Variants in MIR2052HG observed in about 807,000 individuals in gnomAD.
MIR2052HG encodes MIR2052 host gene.
intron 4 of MIR2052HG, among the ~76,000 whole-genome samples, chr8:74,704,549 T>C (rs1463539353): frequency 1.3e-5 from 2 of 152,038 alleles, no homozygotes; most frequent in African/African-American, 4.8e-5. Context: ...CCCTTTTTCT[T>C]TTTACTAAAT....
At chr8:74,735,728 G>C (rs1809738764) in intron 4 of MIR2052HG, among the ~76,000 whole-genome samples, 1 of 152,156 alleles carries the variant, frequency 6.6e-6, no homozygotes, top group African/African-American at 2.4e-5. Flanking sequence ...AAAGTTCCGG[G>C]TGATCCTTTC....
At chr8:74,686,420 T>C (rs1409648211) in intron 2 of MIR2052HG, among the ~76,000 whole-genome samples, 1 of 152,022 alleles carries the variant, frequency 6.6e-6, no homozygotes, top group Non-Finnish European at 1.5e-5. Context: ...AGAGCTTGAT[T>C]TGTAGAACCT....
intron 2 of MIR2052HG, among the ~76,000 whole-genome samples, chr8:74,688,756 A>G (rs1809209247): frequency 6.6e-6 from 1 of 152,108 alleles, no homozygotes; most frequent in Non-Finnish European, 1.5e-5. Context: ...TGGTGCACCC[A>G]TTACCTGGGC....
At chr8:74,680,057 G>T (rs1000270824) in intron 2 of MIR2052HG, among the ~76,000 whole-genome samples, 1 of 152,132 alleles carries the variant, frequency 6.6e-6, no homozygotes, top group Non-Finnish European at 1.5e-5. Flanking sequence ...AAACCCAAAT[G>T]AATCTGCAGA....
chr8:74,660,748 G>T (rs1044666767), intron 2 of MIR2052HG, among the ~76,000 whole-genome samples: 10 of 152,108 alleles, frequency 6.6e-5, no homozygotes, highest in Non-Finnish European at 1.3e-4. Context: ...TGCCTTTGGA[G>T]ATAGTTTATT....
chr8:74,606,647 C>T lies in MIR2052HG; in HGVS notation n.129-6206C>T, dbSNP rs868536505. On this transcript the variant is annotated intron_variant and non_coding_transcript_variant, in intron 1 of 6. Coordinates refer to ENST00000523442, the Ensembl canonical transcript of MIR2052HG. The stretch of plus-strand genomic sequence containing the variant: ...GCTAAATGATGAGAACACATAGACA[C>T]GTACAGGGGAATGATAGACACTGGG... Among the ~76,000 whole-genome samples, 4 of 151,962 alleles carry T rather than the reference C, an allele frequency of 2.6e-5. No homozygotes were observed. The South Asian group carries it at 6.2e-4, about 24-fold the overall frequency.
intron 2 of MIR2052HG, among the ~76,000 whole-genome samples, chr8:74,671,585 CA>C (rs2128738083): frequency 6.6e-6 from 1 of 152,180 alleles, no homozygotes; most frequent in East Asian, 1.9e-4. Context: ...ATGTTATTAA[CA>C]TTCAACTAGT....
chr8:74,733,951 A>C (rs1457523823), intron 4 of MIR2052HG, among the ~76,000 whole-genome samples: 1 of 152,246 alleles, frequency 6.6e-6, no homozygotes, highest in Admixed American at 6.5e-5. Context: ...AAAACACCAA[A>C]AGCAATGGCA....
intron 5 of MIR2052HG, among the ~76,000 whole-genome samples, chr8:74,753,539 G>C (rs1324736986): frequency 6.6e-6 from 1 of 152,056 alleles, no homozygotes; most frequent in African/African-American, 2.4e-5. Flanking sequence ...TCGCATCGTG[G>C]CCAGACTTTT....
intron 4 of MIR2052HG, among the ~76,000 whole-genome samples, chr8:74,718,450 T>C (rs778647028): frequency 5.7e-4 from 87 of 152,290 alleles, no homozygotes; most frequent in Non-Finnish European, 6.8e-4. Flanking sequence ...TGGTTTGAGA[T>C]GGCTCACCAC....
At chr8:74,655,726 C>T (rs1001968331) in intron 2 of MIR2052HG, among the ~76,000 whole-genome samples, 1 of 152,070 alleles carries the variant, frequency 6.6e-6, no homozygotes, top group African/African-American at 2.4e-5. Flanking sequence ...GTTGGATCCC[C>T]CCCAAACACA....
At chr8:74,758,185 G>T (rs1810024197) in intron 6 of MIR2052HG, 1 of 151,776 alleles carries the variant, frequency 6.6e-6, no homozygotes, top group Non-Finnish European at 1.5e-5. Flanking sequence ...TGTCTCTATT[G>T]CTTTAATTTC....
At chr8:74,607,472 C>A (rs190846161) in intron 1 of MIR2052HG, among the ~76,000 whole-genome samples, 357 of 152,130 alleles carry the variant, frequency 2.3e-3, no homozygotes, top group Middle Eastern at 6.8e-3. Flanking sequence ...ATTAGCCGGG[C>A]GTGGTGGTGG....
intron 2 of MIR2052HG, among the ~76,000 whole-genome samples, chr8:74,687,711 T>C (rs1292655106): frequency 6.6e-6 from 1 of 152,116 alleles, no homozygotes; most frequent in African/African-American, 2.4e-5. Flanking sequence ...TCAATGGATG[T>C]AAAGCTTTAC....
chr8:74,693,924 GGCCCT>G (rs1338338838), intron 2 of MIR2052HG, among the ~76,000 whole-genome samples: 1 of 152,014 alleles, frequency 6.6e-6, no homozygotes, highest in Non-Finnish European at 1.5e-5. Context: ...GGGGCTCTAT[GGCCCT>G]GCCCACCAAC....
chr8:74,736,924 G>A (rs1809749533), intron 4 of MIR2052HG, among the ~76,000 whole-genome samples: 1 of 152,194 alleles, frequency 6.6e-6, no homozygotes, highest in African/African-American at 2.4e-5. Context: ...GGAGAATAGG[G>A]TCTGCAGAGA....
intron 4 of MIR2052HG, among the ~76,000 whole-genome samples, chr8:74,742,662 T>C (rs1809842616): frequency 6.6e-6 from 1 of 152,226 alleles, no homozygotes; most frequent in South Asian, 2.1e-4. Context: ...TTTAATCTAC[T>C]GTGGAAATGT....
chr8:74,612,569 G>A (rs926661637), intron 1 of MIR2052HG: 3 of 255,186 alleles, frequency 1.2e-5, no homozygotes, highest in African/African-American at 6.8e-5. Context: ...CATGTAATCT[G>A]GAAAACCAAA....
At chr8:74,685,052 G>T (rs1306863047) in intron 2 of MIR2052HG, among the ~76,000 whole-genome samples, 1 of 152,000 alleles carries the variant, frequency 6.6e-6, no homozygotes, top group Non-Finnish European at 1.5e-5. Context: ...GTAAAATGAG[G>T]ATTATGTCAT....
Sources: allele counts gnomAD v4.1 joint callset (sites outside exome capture counted in the v4.1 genomes callset), GRCh38; gene constraint gnomAD v4.1.1; transcripts MANE v1.5; gene names NCBI Gene and HGNC (gene_info 2026-07-23, HGNC 2026-07-21).